The following DKK3 variants were observed in gnomAD, a reference collection of about 807,000 sequenced individuals.
The protein encoded by DKK3 is dickkopf Wnt signaling pathway inhibitor 3, also known as dickkopf-related protein 3.
A neutral mutation model predicts 33.2 loss-of-function variants in DKK3; 22 were observed. The observed-to-expected ratio is 0.66, with a 90% CI of 0.47 to 0.95. The LOEUF (loss-of-function observed/expected upper bound fraction) is 0.95, where lower values mean the gene tolerates loss of function less well. DKK3 is among the 40% of genes least tolerant of loss of function. The pLI is 0.00. For missense variants in DKK3, 398 were observed against 458.4 expected (o/e 0.87, Z 1.20); for synonymous variants, 194 against 188.8 (o/e 1.03, Z -0.23).
At chr11:12,002,076 G>A (rs553503072) in intron 2 of DKK3, 19 of 440,650 alleles carry the variant, frequency 4.3e-5, no homozygotes, top group Middle Eastern at 1.1e-3. Flanking sequence ...GGAAGCCTAG[G>A]GTTAAATATA....
intron 1 of DKK3, 116 bp from the exon 2 acceptor site, chr11:12,002,553 A>T: frequency 9.1e-7 from 1 of 1,102,812 alleles, no homozygotes; most frequent in Admixed American, 2.3e-5. Flanking sequence ...GATGATGATG[A>T]TAGGTGCTAT....
rs145846536 is a variant in DKK3 at position 11,967,683 on chromosome 11, A to C, written c.529-585T>G. 7.2e-5 allele frequency among the ~76,000 whole-genome samples: 11 copies of C among 152,350 alleles called. No homozygotes were observed. The East Asian group carries it at 2.1e-3, about 29-fold the overall frequency. ...TGCTTGACTTTCCAAGCTTATTAGC[A>C]TGCTGTGTTATTGTCTGAATAAGGA... On this transcript the variant is annotated intron_variant, in intron 4 of 6. Transcript: ENST00000683431.
At chr11:11,988,448 C>T (rs558805200) in intron 3 of DKK3, among the ~76,000 whole-genome samples, 114 of 152,294 alleles carry the variant, frequency 7.5e-4, no homozygotes, top group Admixed American at 5.0e-3. Flanking sequence ...TCCACTGCTC[C>T]GGGCTCTGAC....
intron 2 of DKK3, among the ~76,000 whole-genome samples, chr11:11,999,627 C>T (rs892961023): frequency 6.9e-6 from 1 of 144,822 alleles, no homozygotes; most frequent in African/African-American, 2.6e-5. Context: ...GACTCCATCT[C>T]AAAAACAAAC....
intron 3 of DKK3, among the ~76,000 whole-genome samples, chr11:11,989,461 A>G (rs1848142573): frequency 6.6e-6 from 1 of 152,196 alleles, no homozygotes; most frequent in African/African-American, 2.4e-5. Flanking sequence ...CCCTGAGGAC[A>G]TTACACTAAG....
intron 6 of DKK3, among the ~76,000 whole-genome samples, chr11:11,965,387 A>C (rs1052001495): frequency 6.6e-6 from 1 of 152,214 alleles, no homozygotes; most frequent in Non-Finnish European, 1.5e-5. Context: ...CTCATGCCTC[A>C]TGGAGTCTCA....
intron 3 of DKK3, among the ~76,000 whole-genome samples, chr11:11,980,350 C>T (rs1292487107): frequency 1.3e-5 from 2 of 152,196 alleles, no homozygotes; most frequent in African/African-American, 4.8e-5. Context: ...GGGTTCTGGA[C>T]TCTCACAGAC....
At chr11:11,980,406 T>A (rs549491128) in intron 3 of DKK3, among the ~76,000 whole-genome samples, 1 of 152,142 alleles carries the variant, frequency 6.6e-6, no homozygotes, top group East Asian at 1.9e-4. Flanking sequence ...CTGAGCACAT[T>A]CTACCTCACA....
intron 1 of DKK3, among the ~76,000 whole-genome samples, chr11:12,007,364 GAC>G (rs1848558806): frequency 3.3e-5 from 5 of 152,150 alleles, no homozygotes; most frequent in African/African-American, 1.2e-4. Flanking sequence ...CCTCTCTATA[GAC>G]ACAGGCTACA....
At chr11:11,975,426 C>T (rs1210100487) in intron 3 of DKK3, among the ~76,000 whole-genome samples, 1 of 152,212 alleles carries the variant, frequency 6.6e-6, no homozygotes, top group Admixed American at 6.5e-5. Context: ...TTGGGTGGGG[C>T]ATGTTATCTG....
intron 2 of DKK3, among the ~76,000 whole-genome samples, chr11:11,999,175 C>T (rs986334863): frequency 4.6e-5 from 7 of 152,204 alleles, no homozygotes; most frequent in African/African-American, 1.2e-4. Flanking sequence ...AGTTGAACAT[C>T]TTTCATGAAA....
At chr11:11,993,407 C>A (rs765744671) in intron 3 of DKK3, among the ~76,000 whole-genome samples, 6 of 151,726 alleles carry the variant, frequency 4.0e-5, no homozygotes, top group Non-Finnish European at 7.4e-5. Context: ...TGATTGAAGA[C>A]AACCTTTTAT....
intron 3 of DKK3, among the ~76,000 whole-genome samples, chr11:11,981,267 A>G (rs547702476): frequency 4.6e-5 from 7 of 152,264 alleles, no homozygotes; most frequent in Admixed American, 3.9e-4. Context: ...TCCAGGCTAC[A>G]TGGGGAGGCC....
chr11:11,965,397 A>C (rs1173102828), intron 6 of DKK3, among the ~76,000 whole-genome samples: 1 of 152,200 alleles, frequency 6.6e-6, no homozygotes, highest in Non-Finnish European at 1.5e-5. Flanking sequence ...ATGGAGTCTC[A>C]GCAGCCTCAG....
In DKK3 at chr11:12,002,415, G is replaced by C; in HGVS notation, c.236C>G (p.Ala79Gly). ...CAGGTTCACTTCTGATGATGCTTTA[G>C]CAGCAGCTTCTTCTGCCTCCATCTA... is the stretch of plus-strand genomic sequence containing the variant. ...VEEMEAEEAA[A>G]KASSEVNLAN... Residue 79 changes from alanine to glycine, a missense_variant, in exon 2 of 7, where the codon GCT becomes GGT. Transcript: ENST00000683431. 6.2e-7 allele frequency: 1 copy of C among 1,613,562 alleles called. No homozygotes were observed. The highest frequency in any genetic ancestry group is 1.3e-5 in the African/African-American group (1 of 74,948).
At position 11,963,508 on chromosome 11, in the gene DKK3, G is replaced by A. The variant is rs189543796; in HGVS notation, c.*956C>T. 4 of 152,344 alleles carry A rather than the reference G, an allele frequency of 2.6e-5. No homozygotes were observed. The highest frequency in any genetic ancestry group is 2.0e-4 in the Admixed American group (3 of 15,304). 9.4% of individuals were successfully genotyped at this position (152,344 alleles called of 1,614,324 possible). ...AAGTTACTAATGCAACTGCCAAAGAGGGACAGTGTCAATATCATTGTCTTC... is the reference window on the plus strand; with the variant it reads ...AAGTTACTAATGCAACTGCCAAAGAAGGACAGTGTCAATATCATTGTCTTC... On this transcript the variant is annotated 3_prime_UTR_variant, in exon 7 of 7. Coordinates refer to ENST00000683431, the MANE Select transcript of DKK3 (RefSeq NM_001018057.2).
chr11:12,004,131 A>G (rs1848490517), intron 1 of DKK3, among the ~76,000 whole-genome samples: 1 of 152,182 alleles, frequency 6.6e-6, no homozygotes, highest in Admixed American at 6.5e-5. Flanking sequence ...CTTATGGGGA[A>G]GCTGTGATTA....
At chr11:12,007,421 C>G (rs1848560211) in intron 1 of DKK3, among the ~76,000 whole-genome samples, 1 of 152,144 alleles carries the variant, frequency 6.6e-6, no homozygotes, top group African/African-American at 2.4e-5. Flanking sequence ...ACCCCAGGCA[C>G]CAGGGACAGC....
At chr11:11,967,135 T>G (rs1457196841) in intron 4 of DKK3, 37 bp from the exon 5 acceptor site, 1 of 1,604,694 alleles carries the variant, frequency 6.2e-7, no homozygotes, top group Non-Finnish European at 8.5e-7. Context: ...GCCAGCGGCT[T>G]AGGGACTGGG....
Sources: gnomAD v4.1 joint callset for allele counts (sites outside exome capture counted in the v4.1 genomes callset) on GRCh38, gnomAD v4.1.1 for gene constraint, MANE v1.5 for transcripts, NCBI Gene and HGNC (gene_info 2026-07-23, HGNC 2026-07-21) for gene names.